The following ASB2 variants were observed in gnomAD, a reference collection of about 807,000 sequenced individuals.
The protein encoded by ASB2 is ankyrin repeat and SOCS box protein 2.
A neutral mutation model predicts 62.4 loss-of-function variants in ASB2; 58 were observed. That is an observed-to-expected ratio of 0.93 (90% confidence interval 0.75 to 1.16). The LOEUF (loss-of-function observed/expected upper bound fraction) is 1.16. Among genes scored for constraint, ASB2 ranks in the 50% most tolerant of loss-of-function variants. The pLI is 0.00. For missense variants in ASB2, 928 were observed against 887.9 expected (o/e 1.05, Z -0.57); for synonymous variants, 386 against 385.3 (o/e 1.00, Z -0.02).
At position 93,954,364 on chromosome 14, in the gene ASB2, T is replaced by C. The variant is rs948534825; in HGVS notation, c.431A>G (p.Glu144Gly). ...GCCCACCTGGCCATAGTATGCGGCC[T>C]CGTGCAGCGGCAGCCAGCCCTCCTT... ...PNKEGWLPLH[E>G]AAYYGQVGCL... Residue 144 changes from glutamate to glycine, a missense_variant, in exon 4 of 10, where the codon GAG (glutamate) becomes GGG (glycine). Transcript: ENST00000555019. 8 of 1,613,828 alleles carry C rather than the reference T, an allele frequency of 5.0e-6. No individual in the cohort carries two copies. In the African/African-American group the frequency reaches 8.0e-5, roughly 16 times the overall value.
intron 9 of ASB2, among the ~76,000 whole-genome samples, chr14:93,936,594 A>C (rs918856298): frequency 3.9e-5 from 6 of 152,256 alleles, no homozygotes; most frequent in Non-Finnish European, 8.8e-5. Context: ...ACTTTATCAA[A>C]GGCTTCAATT....
At chr14:93,941,972 T>G (rs1888542621) in intron 7 of ASB2, among the ~76,000 whole-genome samples, 1 of 151,778 alleles carries the variant, frequency 6.6e-6, no homozygotes, top group Admixed American at 6.6e-5. Flanking sequence ...GGGAACAGAG[T>G]GAGGTTGGAC....
chr14:93,958,302 G>T (rs1889295421), intron 2 of ASB2, among the ~76,000 whole-genome samples: 2 of 152,230 alleles, frequency 1.3e-5, no homozygotes, highest in African/African-American at 4.8e-5. Flanking sequence ...TTTTACAGAT[G>T]AGGACAGGGA....
At chr14:93,972,088 A>T (rs981468090) in intron 1 of ASB2, among the ~76,000 whole-genome samples, 3 of 150,586 alleles carry the variant, frequency 2.0e-5, no homozygotes, top group Non-Finnish European at 4.4e-5. Flanking sequence ...CATACTTTCT[A>T]TAAATCTACT....
chr14:93,937,579 A>T, intron 9 of ASB2, 119 bp downstream of exon 9: 1 of 1,043,096 alleles, frequency 9.6e-7, no homozygotes, highest in Non-Finnish European at 1.4e-6. Flanking sequence ...CCAAGGAGTT[A>T]CAGAGCCTGG....
Position 93,941,637 on chromosome 14 carries a change from A to T in ASB2, c.1053-1965T>A. On this transcript the variant is annotated intron_variant, in intron 7 of 9. Transcript: ENST00000555019. The stretch of plus-strand genomic sequence containing the variant: ...CTGGGCCTCACCCTGGATGGCGGCC[A>T]CGGCCAACAAATGCTCTGCTAACAG... 4.4e-6 allele frequency: 2 copies of T among 455,970 alleles called. 1 individual carries two copies. Among genetic ancestry groups the T allele is most frequent in the South Asian group, 3.1e-5 (2 of 64,564 alleles). The allele number at this position is 455,970 out of a possible 1,614,324, so 28.2% of individuals were successfully genotyped here.
At chr14:93,955,786 G>A (rs375137289) in intron 3 of ASB2, among the ~76,000 whole-genome samples, 1 of 152,138 alleles carries the variant, frequency 6.6e-6, no homozygotes, top group South Asian at 2.1e-4. Flanking sequence ...GAGGGTTCTG[G>A]GGGTGTCAGG....
At chr14:93,962,492 C>T (rs1380853763) in intron 2 of ASB2, among the ~76,000 whole-genome samples, 1 of 152,198 alleles carries the variant, frequency 6.6e-6, no homozygotes, top group Non-Finnish European at 1.5e-5. Context: ...GTTGACCCTC[C>T]TCTGCTATAT....
At chr14:93,942,974 G>A (rs1477307814) in intron 7 of ASB2, among the ~76,000 whole-genome samples, 3 of 152,100 alleles carry the variant, frequency 2.0e-5, no homozygotes, top group African/African-American at 4.8e-5. Context: ...ATTGCTGAGC[G>A]CTTACTGTGT....
In ASB2 at chr14:93,947,388, A is replaced by G. The variant is rs1852420762; in HGVS notation, c.1013T>C (p.Leu338Ser). The G allele has an allele frequency of 1.2e-6, 2 of 1,614,078 alleles. No homozygotes were observed. The highest frequency in any genetic ancestry group is 3.3e-5 in the Admixed American group (2 of 60,006). Reference protein sequence around the residue: ...ADANKTNKDGLLPLHIASKKG... With the variant: ...ADANKTNKDGSLPLHIASKKG... ...CTTGGAGGCGATGTGCAGCGGGAGC[A>G]AGCCGTCCTTGTTGGTCTTGTTGGC... Residue 338 changes from leucine (L) to serine (S), a missense_variant, in exon 7 of 10, where the codon TTG becomes TCG. Transcript: ENST00000555019.
rs1325342275 is a variant in ASB2, at chr14:93,956,752, C to T, written c.311+14G>A. The T allele has an allele frequency of 6.2e-7, 1 of 1,614,054 alleles. No homozygotes were observed. The highest frequency in any genetic ancestry group is 1.1e-5 in the South Asian group (1 of 91,080). ...GAACTTGGATGGTCCTGGGGCCAGA[C>T]AGGAGTCACTTACGCCAGCTGGGAG... On this transcript the variant is annotated intron_variant, in intron 3 of 9. Transcript: ENST00000555019.
Position 93,939,192 on chromosome 14 carries a change from G to T in ASB2, c.1533C>A (p.Gly511=). The change falls in exon 8 of 10, where the codon GGC becomes GGA. Residue 511 remains glycine, a synonymous_variant. Coordinates refer to ENST00000555019, the MANE Select transcript of ASB2 (RefSeq NM_001202429.2). The part of the protein sequence containing the change: ...DGEPCFSCLY[G]NGPHPPAPQP... The stretch of plus-strand genomic sequence containing the variant: ...GCGGGGCCGGCGGGTGCGGGCCGTT[G>T]CCGTAGAGGCATGAGAAGCAGGGCT... 6.2e-7 allele frequency: 1 copy of T among 1,600,920 alleles called. No homozygotes were observed. Among genetic ancestry groups the T allele is most frequent in the South Asian group, 1.1e-5 (1 of 90,694 alleles).
intron 7 of ASB2, among the ~76,000 whole-genome samples, chr14:93,944,478 C>CG (rs1195310544): frequency 6.6e-6 from 1 of 152,224 alleles, no homozygotes; most frequent in African/African-American, 2.4e-5. Context: ...ATGCCTGGGA[C>CG]GGATGGCCAG....
At chr14:93,958,207 T>C (rs1889291664) in intron 2 of ASB2, among the ~76,000 whole-genome samples, 1 of 152,202 alleles carries the variant, frequency 6.6e-6, no homozygotes, top group Admixed American at 6.5e-5. Context: ...CTTCTGGCCT[T>C]CTACTGACCC....
chr14:93,959,953 A>G (rs1023461606), intron 2 of ASB2, among the ~76,000 whole-genome samples: 1 of 144,240 alleles, frequency 6.9e-6, no homozygotes, highest in East Asian at 2.0e-4. Flanking sequence ...TCACCAGTCC[A>G]CCCCACACCC....
At chr14:93,954,104 C>T (rs1465147872) in intron 4 of ASB2, 8 of 582,132 alleles carry the variant, frequency 1.4e-5, no homozygotes, top group Non-Finnish European at 2.4e-5. Context: ...ATTAGGCTCT[C>T]CTGTCCTTGG....
intron 7 of ASB2, chr14:93,940,126 T>G: frequency 6.3e-6 from 1 of 159,160 alleles, no homozygotes; most frequent in Non-Finnish European, 1.4e-5. Context: ...ACCCAATGAA[T>G]GTCCAACCTC....
Position 93,939,188 on chromosome 14 carries a change from C to T in ASB2, c.1537G>A (p.Gly513Ser), listed in dbSNP as rs1221209614. ...GGCTGCGGGGCCGGCGGGTGCGGGCCGTTGCCGTAGAGGCATGAGAAGCAG... is the reference window on the plus strand; with the variant it reads ...GGCTGCGGGGCCGGCGGGTGCGGGCTGTTGCCGTAGAGGCATGAGAAGCAG... ...EPCFSCLYGN[G>S]PHPPAPQPSS... Residue 513 changes from glycine (G) to serine (S), a missense_variant, in exon 8 of 10, where the codon GGC (glycine) becomes AGC (serine). Gly to Ser is a moderately conservative substitution (Grantham distance 56). Coordinates refer to ENST00000555019, the MANE Select transcript of ASB2 (RefSeq NM_001202429.2). 6.3e-7 allele frequency: 1 copy of T among 1,595,132 alleles called. No individual in the cohort carries two copies. Among genetic ancestry groups the T allele is most frequent in the Non-Finnish European group, 8.6e-7 (1 of 1,167,520 alleles).
In ASB2 at chr14:93,945,456, C is replaced by T. The variant is rs55794921; in HGVS notation, c.1052+1893G>A. On this transcript the variant is annotated intron_variant, in intron 7 of 9. Transcript: ENST00000555019. ...CGCCTGAGCACACACTGGGTGCAGGCGCTCTGCTAGGTGCTTTTTTCCATT... is the reference window on the plus strand; with the variant it reads ...CGCCTGAGCACACACTGGGTGCAGGTGCTCTGCTAGGTGCTTTTTTCCATT... Among the ~76,000 whole-genome samples, 731 of 152,346 alleles carry T rather than the reference C, an allele frequency of 4.8e-3. 5 individuals carry two copies. The highest frequency in any genetic ancestry group is 0.017 in the African/African-American group (700 of 41,574).
Sources: gnomAD v4.1 joint callset for allele counts (sites outside exome capture counted in the v4.1 genomes callset) on GRCh38, gnomAD v4.1.1 for gene constraint, MANE v1.5 for transcripts, NCBI Gene and HGNC (gene_info 2026-07-23, HGNC 2026-07-21) for gene names.